PIEZO2: variants seen among roughly 807,000 people sequenced by gnomAD.
The protein encoded by PIEZO2 is piezo type mechanosensitive ion channel component 2.
In PIEZO2, 172 loss-of-function variants were observed where a neutral mutation model predicts 337.3. That is an observed-to-expected ratio of 0.51 (90% CI 0.45 to 0.58). The LOEUF (loss-of-function observed/expected upper bound fraction) is 0.58. PIEZO2 is among the 20% of genes least tolerant of loss of function. PIEZO2 has a pLI of 0.00. For synonymous variants in PIEZO2, 1,251 were observed against 1,228.5 expected (o/e 1.02, Z -0.38); for missense variants, 3,028 against 3,391.3 (o/e 0.89, Z 2.66).
At chr18:11,034,358 C>T (rs969244445) in intron 2 of PIEZO2, among the ~76,000 whole-genome samples, 2 of 151,022 alleles carry the variant, frequency 1.3e-5, no homozygotes, top group African/African-American at 4.9e-5. Context: ...TGCAATGGTG[C>T]GATCTCGGCT....
rs2037503027 is a variant in PIEZO2 at position 10,748,186 on chromosome 18, C to G, written c.4424+285G>C. On this transcript the variant is annotated intron_variant, in intron 30 of 55. Coordinates refer to ENST00000674853, the MANE Select transcript of PIEZO2 (RefSeq NM_001378183.1). The surrounding 1 kb of genome is among the most constrained non-coding windows in gnomAD (Gnocchi z 5.1). The stretch of plus-strand genomic sequence containing the variant: ...TGTTTTGTCTGAGACCAGACTGAGC[C>G]ACTTCTAGAGAAGTGGTGGATTCTG... Among the ~76,000 whole-genome samples the G allele has an allele frequency of 6.6e-6, 1 of 152,272 alleles. No individual in the cohort carries two copies. Among genetic ancestry groups the G allele is most frequent in the Admixed American group, 6.5e-5 (1 of 15,300 alleles).
In PIEZO2 at chr18:11,131,967, C is replaced by T. The variant is rs1003351419; in HGVS notation, c.64+16558G>A. On this transcript the variant is annotated intron_variant, in intron 1 of 55. Coordinates refer to ENST00000674853, the MANE Select transcript of PIEZO2 (RefSeq NM_001378183.1). The surrounding 1 kb of genome is among the most constrained non-coding windows in gnomAD (Gnocchi z 5.3). ...TACATGGGCTCAGTAACAAGGACTTCCATTGACCAAGGCTGACCTGGCTGC... is the reference window on the plus strand; with the variant it reads ...TACATGGGCTCAGTAACAAGGACTTTCATTGACCAAGGCTGACCTGGCTGC... Among the ~76,000 whole-genome samples, 1 of 152,184 alleles carries T rather than the reference C, an allele frequency of 6.6e-6. No individual in the cohort carries two copies. The highest frequency in any genetic ancestry group is 1.5e-5 in the Non-Finnish European group (1 of 68,038).
At position 10,825,550 on chromosome 18, in the gene PIEZO2, C is replaced by CTTTTTTTTT. The variant is rs57159292; in HGVS notation, c.918-18285_918-18277dup. On this transcript the variant is annotated intron_variant, in intron 7 of 55. Transcript: ENST00000674853. Reference sequence around the variant, plus strand: ...TTTTTCCACTTTCTTTCCTTTCTTCCTTTTTTTTTTTTTTTTTTGAGACAG... The same window carrying CTTTTTTTTT: ...TTTTTCCACTTTCTTTCCTTTCTTCCTTTTTTTTTTTTTTTTTTTTTTTTTTTGAGACAG... 1.7e-3 allele frequency among the ~76,000 whole-genome samples: 189 copies of CTTTTTTTTT among 113,812 alleles called. 2 individuals carry two copies. Among genetic ancestry groups the CTTTTTTTTT allele is most frequent in the African/African-American group, 6.3e-3 (174 of 27,440 alleles). 74.7% of individuals were successfully genotyped at this position (113,812 alleles called of 152,430 possible). A position where few individuals can be genotyped will look rare whatever the true frequency, so the allele number is the denominator to read the frequency against.
At chr18:10,680,097 A>G in intron 52 of PIEZO2, 102 bp downstream of exon 52, 1 of 1,018,074 alleles carries the variant, frequency 9.8e-7, no homozygotes, top group South Asian at 1.7e-5. Context: ...ATCCACATCA[A>G]TCTAAAGTTC....
At chr18:10,679,643 G>T (rs1405877487) in intron 52 of PIEZO2, among the ~76,000 whole-genome samples, 1 of 152,146 alleles carries the variant, frequency 6.6e-6, no homozygotes, top group Non-Finnish European at 1.5e-5. Context: ...GCTAGGAACG[G>T]CCTTTCTCTC....
At chr18:10,757,428 G>T (rs185076329) in intron 27 of PIEZO2, among the ~76,000 whole-genome samples, 147 of 142,590 alleles carry the variant, frequency 1.0e-3, no homozygotes, top group African/African-American at 3.4e-3. Flanking sequence ...GAAGAAGGCT[G>T]GAGGGTGAGG....
At position 11,096,427 on chromosome 18, in the gene PIEZO2, G is replaced by A. The variant is rs919097689; in HGVS notation, c.65-30205C>T. Among the ~76,000 whole-genome samples the A allele has an allele frequency of 6.6e-6, 1 of 152,194 alleles. No homozygotes were observed. The highest frequency in any genetic ancestry group is 2.4e-5 in the African/African-American group (1 of 41,450). On this transcript the variant is annotated intron_variant, in intron 1 of 55. Transcript: ENST00000674853. The surrounding 1 kb of genome is among the most constrained non-coding windows in gnomAD (Gnocchi z 4.6). ...CAGAAATCCAGGAGCCTGGTCCCGG[G>A]CTCCACACCTGGTTCTGCCTCCTAA...
chr18:10,696,516 A>G lies in PIEZO2; in HGVS notation c.6851T>C (p.Ile2284Thr). The part of the protein sequence containing the change: ...IKKTLEIYVP[I>T]KQFFYNLIHP... ...GATGAGGTTGTAAAAGAACTGTTTG[A>G]TGGGCACATAGATCTCCAGCGTCCT... Residue 2284 changes from isoleucine to threonine, a missense_variant, in exon 46 of 56, where the codon ATC becomes ACC. Ile to Thr is a moderately conservative substitution (Grantham distance 89, BLOSUM62 -1). Transcript: ENST00000674853. 1 of 1,613,682 alleles carries G rather than the reference A, an allele frequency of 6.2e-7. No homozygotes were observed. The highest frequency in any genetic ancestry group is 1.7e-4 in the Middle Eastern group (1 of 5,732).
intron 17 of PIEZO2, among the ~76,000 whole-genome samples, chr18:10,782,461 TTATATTAAATAATA>T (rs1330252311): frequency 6.8e-5 from 2 of 29,438 alleles, no homozygotes; most frequent in Non-Finnish European, 1.4e-4. Context: ...AGTATATATA[TTATATTAAATAATA>T]TATATTATAT....
intron 1 of PIEZO2, among the ~76,000 whole-genome samples, chr18:11,137,245 T>C (rs2040514179): frequency 6.6e-6 from 1 of 152,088 alleles, no homozygotes; most frequent in Non-Finnish European, 1.5e-5. Flanking sequence ...TAAAAAAAAA[T>C]TATTGTTCTT....
In PIEZO2 at chr18:11,011,613, C is replaced by T. The variant is rs57397894; in HGVS notation, c.161-31953G>A. Among the ~76,000 whole-genome samples, 636 of 152,090 alleles carry T rather than the reference C, an allele frequency of 4.2e-3. 5 individuals carry two copies. Among genetic ancestry groups the T allele is most frequent in the African/African-American group, 0.015 (609 of 41,478 alleles). ...ATCCTATTTTAAATAGAATATAATGCTTTACAATGCTCTTTTATATCTATT... is the reference window on the plus strand; with the variant it reads ...ATCCTATTTTAAATAGAATATAATGTTTTACAATGCTCTTTTATATCTATT... On this transcript the variant is annotated intron_variant, in intron 2 of 55. Transcript: ENST00000674853.
chr18:10,802,205 T>G (rs1438961102), intron 9 of PIEZO2, among the ~76,000 whole-genome samples: 1 of 152,188 alleles, frequency 6.6e-6, no homozygotes, highest in African/African-American at 2.4e-5. Flanking sequence ...TGACTCTACT[T>G]TTTAACTAGT....
At chr18:10,790,250 A>G (rs7228983) in intron 14 of PIEZO2, among the ~76,000 whole-genome samples, 118,088 of 152,098 alleles carry the variant, frequency 0.78, 45,974 homozygotes, top group East Asian at 0.93. Context: ...GAAACTAAAC[A>G]TAAATATATG....
chr18:10,964,778 T>C (rs1389047649), intron 3 of PIEZO2, among the ~76,000 whole-genome samples: 1 of 152,230 alleles, frequency 6.6e-6, no homozygotes, highest in Non-Finnish European at 1.5e-5. Context: ...CCCAGAGCCC[T>C]TGGCAACACC....
chr18:10,936,661 T>TGGGCTA, intron 3 of PIEZO2, among the ~76,000 whole-genome samples: 1 of 152,172 alleles, frequency 6.6e-6, no homozygotes, highest in Non-Finnish European at 1.5e-5. Flanking sequence ...TTCCAGTGCT[T>TGGGCTA]GAATGTAGGA....
In PIEZO2 at chr18:10,862,843, A is replaced by AT. The variant is rs2041912130; in HGVS notation, c.493-5633dup. Among the ~76,000 whole-genome samples, 1 of 152,162 alleles carries AT rather than the reference A, an allele frequency of 6.6e-6. No homozygotes were observed. The highest frequency in any genetic ancestry group is 2.4e-5 in the African/African-American group (1 of 41,386). On this transcript the variant is annotated intron_variant, in intron 5 of 55. Coordinates refer to ENST00000674853, the MANE Select transcript of PIEZO2 (RefSeq NM_001378183.1). This position sits in a 1 kb window ranked among gnomAD's most constrained non-coding sequence, Gnocchi z 4.4. ...GAATTCTCCATAGGGGTTCAGCTGA[A>AT]TAGGCACAATTTGAAAATATATTTT...
intron 1 of PIEZO2, among the ~76,000 whole-genome samples, chr18:11,084,711 C>A (rs1012269393): frequency 7.2e-5 from 11 of 152,302 alleles, no homozygotes; most frequent in East Asian, 1.9e-4. Context: ...AAAAACTCCA[C>A]CAGACATCAT....
chr18:11,028,136 G>T lies in PIEZO2; in HGVS notation c.160+37991C>A, dbSNP rs2036601105. Among the ~76,000 whole-genome samples, 1 of 152,230 alleles carries T rather than the reference G, an allele frequency of 6.6e-6. No homozygotes were observed. Among genetic ancestry groups the T allele is most frequent in the African/African-American group, 2.4e-5 (1 of 41,458 alleles). Reference sequence around the variant, plus strand: ...TTTACATGGTGTGGCACCACGAGCTGCAAGTTCTACAAACTGTAACTTGGA... The same window carrying T: ...TTTACATGGTGTGGCACCACGAGCTTCAAGTTCTACAAACTGTAACTTGGA... On this transcript the variant is annotated intron_variant, in intron 2 of 55. Coordinates refer to ENST00000674853, the MANE Select transcript of PIEZO2 (RefSeq NM_001378183.1). The surrounding 1 kb of genome is among the most constrained non-coding windows in gnomAD (Gnocchi z 4.8).
intron 2 of PIEZO2, among the ~76,000 whole-genome samples, chr18:11,062,595 T>C (rs2038006125): frequency 1.3e-5 from 2 of 151,856 alleles, no homozygotes; most frequent in Admixed American, 1.3e-4. Context: ...AAAAAGTGGG[T>C]GAAGGATATG....
Sources: gnomAD v4.1 joint callset for allele counts (sites outside exome capture counted in the v4.1 genomes callset) on GRCh38, gnomAD v4.1.1 for gene constraint, Gnocchi (gnomAD v3.1) non-coding constraint, MANE v1.5 for transcripts, NCBI Gene and HGNC (gene_info 2026-07-23, HGNC 2026-07-21) for gene names.